The following C2orf78 variants were observed in gnomAD, a reference collection of about 807,000 sequenced individuals.
C2orf78 encodes uncharacterized protein C2orf78.
A neutral mutation model predicts 21.4 loss-of-function variants in C2orf78; 12 were observed. The ratio of observed to expected loss-of-function variants is 0.56; its 90% CI spans 0.36 to 0.91. The LOEUF is 0.91. Ranked by LOEUF, C2orf78 falls within the 40% of genes least tolerant of loss-of-function variation. C2orf78 has a pLI of 0.01. For synonymous variants in C2orf78, 396 were observed against 413.9 expected (o/e 0.96, Z 0.52); for missense variants, 1,042 against 1,092.4 (o/e 0.95, Z 0.65).
intron 2 of C2orf78, 56 bp downstream of exon 2, chr2:73,814,282 CA>C: frequency 1.3e-6 from 2 of 1,503,350 alleles, no homozygotes. Flanking sequence ...AAAGGAGGGT[CA>C]AATCTGTAGC....
At chr2:73,808,472 G>A (rs1374312684) in intron 1 of C2orf78, among the ~76,000 whole-genome samples, 1 of 150,574 alleles carries the variant, frequency 6.6e-6, no homozygotes, top group African/African-American at 2.5e-5. Flanking sequence ...ACATTTATGA[G>A]AAACATTGAG....
intron 1 of C2orf78, among the ~76,000 whole-genome samples, chr2:73,811,953 TGTACCA>T (rs1240259956): frequency 6.6e-6 from 1 of 152,180 alleles, no homozygotes; most frequent in Non-Finnish European, 1.5e-5. Flanking sequence ...CATTCTACCT[TGTACCA>T]GTTTTTATTG....
intron 1 of C2orf78, chr2:73,808,751 T>A: frequency 1.3e-6 from 2 of 1,519,322 alleles, no homozygotes; most frequent in Non-Finnish European, 1.8e-6. Flanking sequence ...ATTTGTATCA[T>A]CACAAGGGGC....
chr2:73,815,033 C>G (rs763372481), intron 2 of C2orf78, 38 bp from the exon 3 acceptor site: 1 of 1,568,542 alleles, frequency 6.4e-7, no homozygotes, highest in Non-Finnish European at 8.6e-7. Flanking sequence ...GAGCATCTCA[C>G]TTACCAGGGA....
Position 73,807,083 on chromosome 2 carries a change from AG to A in C2orf78, c.98-6392del, listed in dbSNP as rs1672973654. Among the ~76,000 whole-genome samples, 4 of 143,954 alleles carry A rather than the reference AG, an allele frequency of 2.8e-5. No homozygotes were observed. In the South Asian group the frequency reaches 8.8e-4, roughly 32 times the overall value. The allele number at this position is 143,954 out of a possible 152,430, so 94.4% of individuals were successfully genotyped here. On this transcript the variant is annotated intron_variant, in intron 1 of 2. Transcript: ENST00000409561. ...GTAATCCCAGCTACTCGGGAGACTA[AG>A]GCACGAGAATGGTGTGAACCTGGGA...
exon 3 of C2orf78, chr2:73,816,160 T>A: frequency 6.2e-7 from 1 of 1,613,866 alleles, no homozygotes; most frequent in Non-Finnish European, 8.5e-7. Flanking sequence ...AAGATCGATA[T>A]GAAAACTGGA....
chr2:73,810,625 TAATA>T (rs1673064404), intron 1 of C2orf78, among the ~76,000 whole-genome samples: 1 of 135,382 alleles, frequency 7.4e-6, no homozygotes, highest in Non-Finnish European at 1.6e-5. Context: ...TATATATACA[TAATA>T]TATATATGTA....
intron 1 of C2orf78, among the ~76,000 whole-genome samples, chr2:73,807,179 CA>C (rs1279850153): frequency 0.028 from 1,330 of 47,262 alleles, 60 homozygotes; most frequent in African/African-American, 0.12. Flanking sequence ...GACTCTGTCT[CA>C]AAAAAAAAAA....
exon 3 of C2orf78, chr2:73,815,501 G>A: frequency 6.2e-7 from 1 of 1,613,914 alleles, no homozygotes; most frequent in South Asian, 1.1e-5. Flanking sequence ...TGAGTCTTGA[G>A]GACCAAGGGA....
chr2:73,792,535 T>C (rs1165802704), intron 1 of C2orf78, among the ~76,000 whole-genome samples: 137 of 140,230 alleles, frequency 9.8e-4, no homozygotes, highest in Middle Eastern at 3.7e-3. Flanking sequence ...AATAGGTATG[T>C]TGAATTGTTT....
exon 2 of C2orf78, chr2:73,814,076 T>A: frequency 6.2e-7 from 1 of 1,613,824 alleles, no homozygotes. Context: ...TGGCTCTGTG[T>A]CATACACAGG....
At chr2:73,811,260 C>G (rs1449988198) in intron 1 of C2orf78, among the ~76,000 whole-genome samples, 1 of 151,956 alleles carries the variant, frequency 6.6e-6, no homozygotes, top group East Asian at 1.9e-4. Context: ...CACTGCACTC[C>G]AGTCTGTAGG....
Position 73,808,799 on chromosome 2 carries a change from G to A in C2orf78, c.98-4678G>A, listed in dbSNP as rs569619451. The stretch of plus-strand genomic sequence containing the variant: ...ACCAGTGACCAGTGGCCTTCATACT[G>A]GACACATGCACTGGTTGGCTTCAGC... On this transcript the variant is annotated intron_variant, in intron 1 of 2. Transcript: ENST00000409561. 5.6e-4 allele frequency: 805 copies of A among 1,430,132 alleles called. 3 individuals are homozygous for A. The African/African-American group carries it at 0.01, about 18-fold the overall frequency. 88.6% of individuals were successfully genotyped at this position (1,430,132 alleles called of 1,614,324 possible).
At chr2:73,786,360 CAG>C (rs1672934258) in intron 1 of C2orf78, among the ~76,000 whole-genome samples, 1 of 149,600 alleles carries the variant, frequency 6.7e-6, no homozygotes, top group Non-Finnish European at 1.5e-5. Context: ...GCCTAGGCGA[CAG>C]AGCGAGACTC....
At chr2:73,786,071 A>C (rs1016347697) in intron 1 of C2orf78, among the ~76,000 whole-genome samples, 2 of 151,802 alleles carry the variant, frequency 1.3e-5, no homozygotes, top group African/African-American at 2.4e-5. Context: ...AGAAAGAGAG[A>C]AATATGTTTT....
At chr2:73,810,975 T>C (rs1673078401) in intron 1 of C2orf78, among the ~76,000 whole-genome samples, 1 of 145,258 alleles carries the variant, frequency 6.9e-6, no homozygotes, top group Admixed American at 7.1e-5. Context: ...ATTTCATATA[T>C]ATATATATAT....
chr2:73,814,177 G>A (rs753876588), exon 2 of C2orf78: 2 of 1,604,632 alleles, frequency 1.2e-6, no homozygotes, highest in Admixed American at 3.4e-5. Flanking sequence ...CTACTTCTGG[G>A]ATGTATTACT....
exon 2 of C2orf78, chr2:73,813,519 G>A (rs368290663): frequency 9.9e-6 from 16 of 1,611,622 alleles, no homozygotes; most frequent in African/African-American, 9.4e-5. Flanking sequence ...GCAAATTCTC[G>A]GCAGTTCTCT....
intron 2 of C2orf78, among the ~76,000 whole-genome samples, chr2:73,814,672 C>T (rs1673157458): frequency 6.6e-6 from 1 of 152,180 alleles, no homozygotes; most frequent in Non-Finnish European, 1.5e-5. Context: ...AGAATCTGTG[C>T]TTGCTTATAT....
Sources: gnomAD v4.1 joint callset for allele counts (sites outside exome capture counted in the v4.1 genomes callset) on GRCh38, gnomAD v4.1.1 for gene constraint, MANE v1.5 for transcripts, NCBI Gene and HGNC (gene_info 2026-07-23, HGNC 2026-07-21) for gene names.